CLIP1: variants seen among roughly 807,000 people sequenced by gnomAD.
CLIP1 encodes CAP-Gly domain containing linker protein 1, also known as CAP-Gly domain-containing linker protein 1.
In CLIP1, 66 loss-of-function variants were observed where a neutral mutation model predicts 161.6. The observed-to-expected ratio is 0.41, with a 90% CI of 0.33 to 0.50. The LOEUF (loss-of-function observed/expected upper bound fraction) is 0.50. Ranked by LOEUF, CLIP1 falls within the 20% of genes least tolerant of loss-of-function variation. CLIP1 has a pLI of 0.27. For missense variants in CLIP1, 1,376 were observed against 1,702.0 expected (o/e 0.81, Z 3.37); for synonymous variants, 598 against 626.2 (o/e 0.96, Z 0.67).
chr12:122,393,831 G>A (rs1593235246), intron 1 of CLIP1, among the ~76,000 whole-genome samples: 1 of 149,668 alleles, frequency 6.7e-6, no homozygotes, highest in Non-Finnish European at 1.5e-5. Context: ...AGAATCACTT[G>A]AACCTGGGAG....
intron 1 of CLIP1, among the ~76,000 whole-genome samples, chr12:122,416,120 C>A (rs771011919): frequency 2.6e-5 from 4 of 151,874 alleles, no homozygotes; most frequent in Non-Finnish European, 5.9e-5. Context: ...CGCCTGTAAT[C>A]CCAGCTACTC....
chr12:122,315,573 G>C (rs550973266), intron 19 of CLIP1, among the ~76,000 whole-genome samples: 5 of 152,124 alleles, frequency 3.3e-5, no homozygotes. Flanking sequence ...AAATTGATGT[G>C]TAAACCTTAA....
At chr12:122,407,451 G>A (rs1034745468) in intron 1 of CLIP1, among the ~76,000 whole-genome samples, 3 of 152,054 alleles carry the variant, frequency 2.0e-5, no homozygotes, top group African/African-American at 7.2e-5. Flanking sequence ...GTTCACACCT[G>A]CAATCTCAGC....
At chr12:122,400,257 A>G (rs922394286) in intron 1 of CLIP1, 1 of 152,196 alleles carries the variant, frequency 6.6e-6, no homozygotes, top group Admixed American at 6.5e-5. Context: ...AAAAAGATAA[A>G]TAAGATTGAA....
intron 1 of CLIP1, among the ~76,000 whole-genome samples, chr12:122,419,415 T>C (rs1231162876): frequency 6.7e-6 from 1 of 150,260 alleles, no homozygotes; most frequent in African/African-American, 2.4e-5. Context: ...GTTTACTGAG[T>C]ACATGGAACT....
intron 24 of CLIP1, chr12:122,275,644 G>GCGCACACACACACACA (rs773370301): frequency 4.1e-5 from 6 of 147,538 alleles, no homozygotes; most frequent in African/African-American, 1.5e-4. Flanking sequence ...ACACACACGC[G>GCGCACACACACACACA]CACACACACA....
chr12:122,298,189 A>G (rs1320011467), intron 20 of CLIP1, among the ~76,000 whole-genome samples: 1 of 152,192 alleles, frequency 6.6e-6, no homozygotes, highest in African/African-American at 2.4e-5. Flanking sequence ...CCTGTTTCCC[A>G]GGGAACTCAA....
At chr12:122,310,018 G>T in intron 19 of CLIP1, 136 bp from the exon 20 acceptor site, 1 of 933,898 alleles carries the variant, frequency 1.1e-6, no homozygotes, top group Non-Finnish European at 1.6e-6. Flanking sequence ...ACAGCAGACA[G>T]TATTATCTAC....
chr12:122,390,286 A>ATATATATATATATATATATG (rs1955583753), intron 1 of CLIP1, among the ~76,000 whole-genome samples: 2 of 129,172 alleles, frequency 1.5e-5, no homozygotes, highest in Admixed American at 1.6e-4. Flanking sequence ...ATACATATAT[A>ATATATATATATATATATATG]TATATATATA....
At chr12:122,352,380 T>C (rs1953082966) in intron 8 of CLIP1, among the ~76,000 whole-genome samples, 1 of 152,072 alleles carries the variant, frequency 6.6e-6, no homozygotes, top group African/African-American at 2.4e-5. Context: ...TATGACAAAA[T>C]TTAAAATGCC....
At chr12:122,390,170 C>CAGATATAT (rs1555280483) in intron 1 of CLIP1, among the ~76,000 whole-genome samples, 2 of 15,042 alleles carry the variant, frequency 1.3e-4, no homozygotes, top group Non-Finnish European at 3.8e-4. Flanking sequence ...TACACAGTCT[C>CAGATATAT]AGATATATAT....
At position 122,358,938 on chromosome 12, in the gene CLIP1, A is replaced by C. The variant is rs1423945319; in HGVS notation, c.1005+2021T>G. On this transcript the variant is annotated intron_variant, in intron 5 of 25. Coordinates refer to ENST00000620786, the MANE Select transcript of CLIP1 (RefSeq NM_001247997.2). ...TAGCCGGGCATGGTGGCGTGTGCCT[A>C]TAATCCCAGCTACTTGGGAGGCTGA... 2.0e-5 allele frequency among the ~76,000 whole-genome samples: 3 copies of C among 152,026 alleles called. No homozygotes were observed. In the East Asian group the frequency reaches 5.8e-4, roughly 29 times the overall value.
chr12:122,307,007 T>TC (rs1198606651), intron 20 of CLIP1, among the ~76,000 whole-genome samples: 1 of 89,650 alleles, frequency 1.1e-5, no homozygotes, highest in Non-Finnish European at 2.4e-5. Context: ...ACTTTTTTTT[T>TC]TTTTTTTTTT....
chr12:122,360,611 G>C (rs1953729716), intron 5 of CLIP1, among the ~76,000 whole-genome samples: 1 of 151,882 alleles, frequency 6.6e-6, no homozygotes, highest in East Asian at 1.9e-4. Flanking sequence ...TGAAGAAAAG[G>C]ATCTCTCCAA....
Position 122,272,269 on chromosome 12 carries a change from T to G in CLIP1, c.*606A>C, listed in dbSNP as rs188697494. ...GATTATAAAATGTCCCCACAGCAGTTTGGGGGCTTGCCCCTCCCTTTACCT... is the reference window on the plus strand; with the variant it reads ...GATTATAAAATGTCCCCACAGCAGTGTGGGGGCTTGCCCCTCCCTTTACCT... On this transcript the variant is annotated 3_prime_UTR_variant, in exon 26 of 26. Coordinates refer to ENST00000620786, the MANE Select transcript of CLIP1 (RefSeq NM_001247997.2). 6.5e-6 allele frequency: 1 copy of G among 153,146 alleles called. No individual in the cohort carries two copies. Among genetic ancestry groups the G allele is most frequent in the East Asian group, 1.9e-4 (1 of 5,204 alleles). The allele number at this position is 153,146 out of a possible 1,614,324, so 9.5% of individuals were successfully genotyped here. A position where few individuals can be genotyped will look rare whatever the true frequency, so the allele number is the denominator to read the frequency against.
intron 1 of CLIP1, among the ~76,000 whole-genome samples, chr12:122,392,650 C>T (rs1955710061): frequency 1.3e-5 from 2 of 152,218 alleles, no homozygotes; most frequent in Middle Eastern, 3.4e-3. Flanking sequence ...CTCTAATGCC[C>T]GCTACCACTC....
chr12:122,383,166 T>C (rs1173425024), intron 1 of CLIP1, among the ~76,000 whole-genome samples: 1 of 152,116 alleles, frequency 6.6e-6, no homozygotes, highest in Non-Finnish European at 1.5e-5. Flanking sequence ...GCCAACCTCA[T>C]AGAGTGACAA....
intron 11 of CLIP1, among the ~76,000 whole-genome samples, chr12:122,339,653 C>T (rs1367125478): frequency 1.3e-5 from 2 of 152,142 alleles, no homozygotes; most frequent in East Asian, 1.9e-4. Flanking sequence ...TCAAGAAGCA[C>T]TGAATTCAGT....
chr12:122,353,997 G>C (rs1162926180), intron 7 of CLIP1, among the ~76,000 whole-genome samples: 6 of 152,092 alleles, frequency 3.9e-5, no homozygotes, highest in Non-Finnish European at 8.8e-5. Context: ...TCTTCACACA[G>C]TATGGCAGAG....
Sources: allele counts gnomAD v4.1 joint callset (sites outside exome capture counted in the v4.1 genomes callset), GRCh38; gene constraint gnomAD v4.1.1; transcripts MANE v1.5; gene names NCBI Gene and HGNC (gene_info 2026-07-23, HGNC 2026-07-21).